MTHFD2L: variants seen among roughly 807,000 people sequenced by gnomAD.
The protein encoded by MTHFD2L is bifunctional methylenetetrahydrofolate dehydrogenase/cyclohydrolase 2, mitochondrial.
Under a neutral mutation model 34.9 loss-of-function variants are expected in MTHFD2L, and 29 were observed. That is an observed-to-expected ratio of 0.83 (90% CI 0.62 to 1.13). The LOEUF (loss-of-function observed/expected upper bound fraction) is 1.13, where lower values mean the gene tolerates loss of function less well. MTHFD2L is among the 50% of genes most tolerant of loss of function. The pLI, the probability that MTHFD2L is intolerant of heterozygous loss-of-function variation, is 0.00. For synonymous variants in MTHFD2L, 167 were observed against 155.7 expected, an observed-to-expected ratio of 1.07 and a Z score of -0.54; for missense variants, 481 against 446.5, an observed-to-expected ratio of 1.08 and a Z score of -0.70.
At chr4:74,176,921 C>A (rs1386154774) in intron 3 of MTHFD2L, among the ~76,000 whole-genome samples, 1 of 151,826 alleles carries the variant, frequency 6.6e-6, no homozygotes, top group Non-Finnish European at 1.5e-5. Flanking sequence ...TTTTCTTTAT[C>A]CAGCAATATA....
intron 6 of MTHFD2L, chr4:74,241,610 T>C: frequency 2.3e-6 from 1 of 441,676 alleles, no homozygotes; most frequent in South Asian, 1.6e-5. Flanking sequence ...ACTCCTGAAC[T>C]CAAGCGATCC....
rs560650646 is a variant in MTHFD2L at position 74,187,155 on chromosome 4, C to G, written c.451+11752C>G. ...AGAAATGCTAGAAATTAAAAACACT[C>G]TAACAGAAATGAAGAATGCTTTGAT... On this transcript the variant is annotated intron_variant, in intron 3 of 7. Transcript: ENST00000325278. Among the ~76,000 whole-genome samples, 3 of 152,212 alleles carry G rather than the reference C, an allele frequency of 2.0e-5. No individual in the cohort carries two copies. The East Asian group carries it at 5.8e-4, about 29-fold the overall frequency.
At chr4:74,245,981 G>T (rs1401367057) in intron 6 of MTHFD2L, among the ~76,000 whole-genome samples, 43 of 148,404 alleles carry the variant, frequency 2.9e-4, no homozygotes, top group African/African-American at 1.0e-3. Flanking sequence ...ATAGTCCTTT[G>T]GGTATATACC....
chr4:74,229,163 A>G (rs1739636627), intron 6 of MTHFD2L, among the ~76,000 whole-genome samples: 1 of 152,230 alleles, frequency 6.6e-6, no homozygotes, highest in Non-Finnish European at 1.5e-5. Context: ...TATAAGAAAC[A>G]ACTAAAGATT....
chr4:74,222,531 T>TA (rs1459083035), intron 5 of MTHFD2L, among the ~76,000 whole-genome samples: 1 of 152,118 alleles, frequency 6.6e-6, no homozygotes, highest in Non-Finnish European at 1.5e-5. Context: ...TTCCACCTCT[T>TA]AATATTGTTA....
chr4:74,192,600 G>A (rs1732749329), intron 3 of MTHFD2L, among the ~76,000 whole-genome samples: 1 of 151,930 alleles, frequency 6.6e-6, no homozygotes, highest in Non-Finnish European at 1.5e-5. Flanking sequence ...ATCATATTAT[G>A]GAACATTTTT....
Position 74,225,391 on chromosome 4 carries a change from G to A in MTHFD2L, c.802G>A (p.Ala268Thr), listed in dbSNP as rs954524160. 21 of 1,611,724 alleles carry A rather than the reference G, an allele frequency of 1.3e-5. No homozygotes were observed. Among genetic ancestry groups the A allele is most frequent in the Non-Finnish European group, 1.7e-5 (20 of 1,178,280 alleles). Reference sequence around the variant, plus strand: ...GCTGGCAGATATTATCATAGTTGCTGCAGGTAAGTCCTTAGTGACTGTTAT... The same window carrying A: ...GCTGGCAGATATTATCATAGTTGCTACAGGTAAGTCCTTAGTGACTGTTAT... ...TQLADIIIVA[A>T]GIPKLITSDM... is the part of the protein sequence containing the mutation. The change falls in exon 6 of 8, where the codon GCA (alanine) becomes ACA (threonine). Residue 268 changes from alanine (A) to threonine (T), a missense_variant. Transcript: ENST00000325278.
chr4:74,299,386 T>C (rs1415262711), intron 7 of MTHFD2L, among the ~76,000 whole-genome samples: 1 of 151,238 alleles, frequency 6.6e-6, no homozygotes, highest in Non-Finnish European at 1.5e-5. Context: ...TAAGTAGTAG[T>C]AGCAGCAGCA....
intron 7 of MTHFD2L, among the ~76,000 whole-genome samples, chr4:74,298,486 C>T (rs1463212363): frequency 1.3e-5 from 2 of 152,004 alleles, no homozygotes; most frequent in African/African-American, 4.8e-5. Context: ...TCCTCCTCCA[C>T]CCAAACCTCA....
At chr4:74,205,645 TTAAAG>T (rs1222079468) in intron 5 of MTHFD2L, among the ~76,000 whole-genome samples, 1 of 152,086 alleles carries the variant, frequency 6.6e-6, no homozygotes, top group South Asian at 2.1e-4. Context: ...TGCTAAAATC[TTAAAG>T]TAAAGGGATA....
intron 1 of MTHFD2L, among the ~76,000 whole-genome samples, chr4:74,151,192 TA>T (rs1345060198): frequency 6.6e-6 from 1 of 152,096 alleles, no homozygotes; most frequent in African/African-American, 2.4e-5. Context: ...ACAAATAAAC[TA>T]TCAATAAGTT....
chr4:74,124,482 T>TTA (rs548102853), upstream of MTHFD2L, among the ~76,000 whole-genome samples: 558 of 151,186 alleles, frequency 3.7e-3, 3 homozygotes, highest in African/African-American at 0.013. Context: ...TTTTATGTAT[T>TTA]TATATATTTA....
chr4:74,140,795 C>A (rs1053614985), intron 1 of MTHFD2L, among the ~76,000 whole-genome samples: 1 of 152,128 alleles, frequency 6.6e-6, no homozygotes, highest in Non-Finnish European at 1.5e-5. Context: ...GGGGGAAGCC[C>A]CTTATAAAAC....
intron 7 of MTHFD2L, among the ~76,000 whole-genome samples, chr4:74,284,366 C>T (rs1019730818): frequency 6.6e-6 from 1 of 152,098 alleles, no homozygotes; most frequent in Non-Finnish European, 1.5e-5. Context: ...AAGATGCTTG[C>T]TCCTTCTAAC....
chr4:74,226,004 T>C (rs1027639399), intron 6 of MTHFD2L, among the ~76,000 whole-genome samples: 1 of 152,128 alleles, frequency 6.6e-6, no homozygotes, highest in African/African-American at 2.4e-5. Flanking sequence ...ACAACTTTTT[T>C]TTTAACATAA....
At chr4:74,170,072 A>G (rs7675946) in intron 1 of MTHFD2L, among the ~76,000 whole-genome samples, 179 of 152,304 alleles carry the variant, frequency 1.2e-3, no homozygotes, top group African/African-American at 3.9e-3. Flanking sequence ...AAAAATGCCA[A>G]TTCTTTACAC....
At chr4:74,220,819 T>C (rs1472754729) in intron 5 of MTHFD2L, among the ~76,000 whole-genome samples, 1 of 151,392 alleles carries the variant, frequency 6.6e-6, no homozygotes, top group Non-Finnish European at 1.5e-5. Flanking sequence ...TATTGTAGTC[T>C]GGTTTTTCAG....
chr4:74,206,485 A>G (rs191133840), intron 5 of MTHFD2L, among the ~76,000 whole-genome samples: 5 of 152,270 alleles, frequency 3.3e-5, no homozygotes, highest in Admixed American at 3.3e-4. Flanking sequence ...ATACGGTTAG[A>G]TAGATATGAG....
intron 6 of MTHFD2L, among the ~76,000 whole-genome samples, chr4:74,246,825 T>C (rs1400315738): frequency 6.6e-6 from 1 of 152,186 alleles, no homozygotes; most frequent in Non-Finnish European, 1.5e-5. Context: ...TCTGCTCTGT[T>C]CCATTGATCT....
Sources: allele counts gnomAD v4.1 joint callset (sites outside exome capture counted in the v4.1 genomes callset), GRCh38; gene constraint gnomAD v4.1.1; transcripts MANE v1.5; gene names NCBI Gene and HGNC (gene_info 2026-07-23, HGNC 2026-07-21).